Variants in SASS6 observed in about 807,000 individuals in gnomAD.
SASS6 encodes spindle assembly abnormal protein 6 homolog.
Under a neutral mutation model 94.9 loss-of-function variants are expected in SASS6, and 59 were observed. That is an observed-to-expected ratio of 0.62 (90% CI 0.50 to 0.77). The LOEUF (loss-of-function observed/expected upper bound fraction) is 0.77. Among genes scored for constraint, SASS6 ranks in the 30% least tolerant of loss-of-function variants. The pLI is 0.00. For missense variants in SASS6, 698 were observed against 734.1 expected (o/e 0.95, Z 0.57); for synonymous variants, 264 against 270.0 (o/e 0.98, Z 0.22).
At position 100,132,894 on chromosome 1, in the gene SASS6, T is replaced by C. The variant is rs920314955; in HGVS notation, c.-80A>G. 9 of 1,345,804 alleles carry C rather than the reference T, an allele frequency of 6.7e-6. No individual in the cohort carries two copies. Among genetic ancestry groups the C allele is most frequent in the East Asian group, 4.6e-5 (2 of 43,496 alleles). The allele number at this position is 1,345,804 out of a possible 1,614,324, so 83.4% of individuals were successfully genotyped here. A position where few individuals can be genotyped will look rare whatever the true frequency, so the allele number is the denominator to read the frequency against. On this transcript the variant is annotated 5_prime_UTR_variant, in exon 1 of 17. Transcript: ENST00000287482. ...GGATTAGCCTGAGAGGTCCGGGTCCTGATAAAGTTTGAGTTTGGCGCTCGG... is the reference window on the plus strand; with the variant it reads ...GGATTAGCCTGAGAGGTCCGGGTCCCGATAAAGTTTGAGTTTGGCGCTCGG...
At chr1:100,094,475 T>C (rs558366092) in intron 14 of SASS6, among the ~76,000 whole-genome samples, 1 of 152,314 alleles carries the variant, frequency 6.6e-6, no homozygotes, top group South Asian at 2.1e-4. Flanking sequence ...TTGTCCTGAT[T>C]TAAATTTGTT....
chr1:100,125,359 C>G (rs1247233725), intron 2 of SASS6, among the ~76,000 whole-genome samples: 1 of 150,640 alleles, frequency 6.6e-6, no homozygotes, highest in African/African-American at 2.4e-5. Context: ...GTCACCCCAC[C>G]CCACAATTTT....
intron 7 of SASS6, among the ~76,000 whole-genome samples, chr1:100,117,366 A>C (rs909955991): frequency 6.7e-6 from 1 of 150,186 alleles, no homozygotes; most frequent in South Asian, 2.1e-4. Flanking sequence ...GAAAATAACA[A>C]CCACAGCTGG....
intron 1 of SASS6, among the ~76,000 whole-genome samples, 169 bp from the exon 2 acceptor site, chr1:100,126,111 G>A (rs1270363968): frequency 3.3e-5 from 5 of 152,208 alleles, no homozygotes; most frequent in Admixed American, 1.3e-4. Flanking sequence ...ATTTCTTCTT[G>A]TTCCACTAGT....
intron 15 of SASS6, 64 bp downstream of exon 15, chr1:100,088,075 T>C: frequency 1.2e-6 from 1 of 843,062 alleles, no homozygotes; most frequent in South Asian, 1.4e-5. Flanking sequence ...CAAGCACTGA[T>C]AAAAATTCTG....
intron 7 of SASS6, 33 bp downstream of exon 7, chr1:100,118,985 A>G (rs779942249): frequency 1.6e-4 from 234 of 1,453,554 alleles, no homozygotes; most frequent in Non-Finnish European, 2.1e-4. Flanking sequence ...CAGCAATAAA[A>G]GATATTTTTT....
At chr1:100,104,649 A>G (rs1652754968) in intron 13 of SASS6, among the ~76,000 whole-genome samples, 1 of 152,094 alleles carries the variant, frequency 6.6e-6, no homozygotes, top group South Asian at 2.1e-4. Flanking sequence ...TAGTAGAGAC[A>G]GGGTTTCACC....
intron 14 of SASS6, among the ~76,000 whole-genome samples, chr1:100,094,847 C>CAG (rs1049883726): frequency 6.9e-6 from 1 of 144,752 alleles, no homozygotes; most frequent in Non-Finnish European, 1.5e-5. Flanking sequence ...GCCAGGGCAA[C>CAG]AGAGAGAGAC....
chr1:100,123,424 G>C, intron 2 of SASS6, 135 bp from the exon 3 acceptor site: 1 of 507,840 alleles, frequency 2.0e-6, no homozygotes, highest in South Asian at 2.7e-5. Flanking sequence ...TTCTAGTGCT[G>C]CTGGTTTTTT....
chr1:100,109,795 A>G (rs1557887659), intron 8 of SASS6, among the ~76,000 whole-genome samples: 1 of 152,010 alleles, frequency 6.6e-6, no homozygotes, highest in Non-Finnish European at 1.5e-5. Flanking sequence ...TACCTTAAAT[A>G]ACTGTTGTAA....
intron 2 of SASS6, 70 bp downstream of exon 2, chr1:100,125,812 T>C (rs747372791): frequency 1.2e-4 from 99 of 831,680 alleles, no homozygotes; most frequent in Non-Finnish European, 1.8e-4. Flanking sequence ...AGATGTCACA[T>C]TCTTAAAGAA....
At chr1:100,094,109 A>G (rs1286326029) in intron 14 of SASS6, among the ~76,000 whole-genome samples, 1 of 152,238 alleles carries the variant, frequency 6.6e-6, no homozygotes. Flanking sequence ...AATCACCATT[A>G]TAAGTAATGA....
At chr1:100,092,619 A>G (rs1651806869) in intron 14 of SASS6, among the ~76,000 whole-genome samples, 1 of 151,914 alleles carries the variant, frequency 6.6e-6, no homozygotes, top group South Asian at 2.1e-4. Context: ...TCTGTCACCC[A>G]GGCTAGAGTG....
chr1:100,088,912 T>TC (rs1651495668), intron 14 of SASS6, among the ~76,000 whole-genome samples: 1 of 149,476 alleles, frequency 6.7e-6, no homozygotes, highest in Non-Finnish European at 1.5e-5. Context: ...CTCACAATGC[T>TC]CCACTTATCA....
intron 13 of SASS6, among the ~76,000 whole-genome samples, chr1:100,103,982 T>G (rs1652695249): frequency 6.6e-6 from 1 of 152,152 alleles, no homozygotes; most frequent in Admixed American, 6.5e-5. Context: ...CAAAAGTGGG[T>G]ATTAAAAGGG....
intron 12 of SASS6, among the ~76,000 whole-genome samples, chr1:100,106,284 ATTG>A (rs1652899676): frequency 6.6e-6 from 1 of 152,314 alleles, no homozygotes; most frequent in East Asian, 1.9e-4. Context: ...AACAATTCAT[ATTG>A]TTATTATTAG....
At chr1:100,116,138 G>A (rs948130646) in intron 7 of SASS6, among the ~76,000 whole-genome samples, 3 of 152,050 alleles carry the variant, frequency 2.0e-5, no homozygotes, top group Non-Finnish European at 2.9e-5. Context: ...TGACAGGCTG[G>A]GAGAAATGTT....
chr1:100,110,395 CT>C lies in SASS6; in HGVS notation c.757del (p.Arg253AspfsTer5). 1 of 1,609,752 alleles carries C rather than the reference CT, an allele frequency of 6.2e-7. No homozygotes were observed. Among genetic ancestry groups the C allele is most frequent in the South Asian group, 1.1e-5 (1 of 90,902 alleles). ...HQQNIHQLQN[R>X]LSELEAANKD... is the part of the protein sequence containing the mutation. ...ATTAGCCGCTTCTAACTCAGACAGT[CT>C]GTTTTGTAGCTGGTGGATGTTTTGT... On this transcript the variant is annotated frameshift_variant, in exon 8 of 17. Coordinates refer to ENST00000287482, the MANE Select transcript of SASS6 (RefSeq NM_194292.3). LOFTEE classifies it high-confidence loss of function.
chr1:100,128,758 G>T (rs1180320676), intron 1 of SASS6, among the ~76,000 whole-genome samples: 1 of 152,164 alleles, frequency 6.6e-6, no homozygotes, highest in Admixed American at 6.5e-5. Flanking sequence ...TAATACTAAT[G>T]ACATTAGATT....
Sources: gnomAD v4.1 joint callset for allele counts (sites outside exome capture counted in the v4.1 genomes callset) on GRCh38, gnomAD v4.1.1 for gene constraint, MANE v1.5 for transcripts, NCBI Gene and HGNC (gene_info 2026-07-23, HGNC 2026-07-21) for gene names.